Variants in PLSCR4 observed in about 807,000 individuals in gnomAD.
PLSCR4 encodes Ca(2+)-dependent phospholipid scramblase 4.
Under a neutral mutation model 36.3 loss-of-function variants are expected in PLSCR4, and 25 were observed. That is an observed-to-expected ratio of 0.69 (90% CI 0.50 to 0.96). PLSCR4 has a LOEUF of 0.96. Ranked by LOEUF, PLSCR4 falls within the 40% of genes least tolerant of loss-of-function variation. PLSCR4 has a pLI of 0.00. For missense variants in PLSCR4, 408 were observed against 414.7 expected (o/e 0.98, Z 0.14); for synonymous variants, 122 against 132.9 (o/e 0.92, Z 0.56).
At chr3:146,224,864 G>C (rs546573572) in intron 1 of PLSCR4, among the ~76,000 whole-genome samples, 2 of 130,760 alleles carry the variant, frequency 1.5e-5, no homozygotes, top group Non-Finnish European at 3.5e-5. Context: ...TAGATACAGA[G>C]TATGGACACA....
At chr3:146,237,132 A>G (rs1404813254) in intron 1 of PLSCR4, among the ~76,000 whole-genome samples, 1 of 151,860 alleles carries the variant, frequency 6.6e-6, no homozygotes, top group Non-Finnish European at 1.5e-5. Flanking sequence ...TCGAAAAAGG[A>G]AAGAGGTGTA....
chr3:146,232,862 T>C lies in PLSCR4; in HGVS notation c.-21-10770A>G, dbSNP rs554319130. On this transcript the variant is annotated intron_variant, in intron 1 of 8. Transcript: ENST00000354952. ...CATATAGTAGGTACCCAATAAACATTGCCTAAAGAGGTTTTTTACTGTGTG... is the reference window on the plus strand; with the variant it reads ...CATATAGTAGGTACCCAATAAACATCGCCTAAAGAGGTTTTTTACTGTGTG... Among the ~76,000 whole-genome samples, 7 of 152,242 alleles carry C rather than the reference T, an allele frequency of 4.6e-5. No individual in the cohort carries two copies. In the South Asian group the frequency reaches 1.5e-3, roughly 32 times the overall value.
chr3:146,213,917 T>C (rs1364497931), intron 3 of PLSCR4, among the ~76,000 whole-genome samples: 1 of 152,108 alleles, frequency 6.6e-6, no homozygotes, highest in Non-Finnish European at 1.5e-5. Context: ...TGTTTTATTT[T>C]TATTTTTATT....
chr3:146,242,730 T>A (rs1014251363), intron 1 of PLSCR4, among the ~76,000 whole-genome samples: 2 of 152,172 alleles, frequency 1.3e-5, no homozygotes, highest in African/African-American at 4.8e-5. Context: ...TCGAGACGAA[T>A]GGGAGAACCT....
In PLSCR4 at chr3:146,206,560, G is replaced by T. The variant is rs754225026; in HGVS notation, c.320C>A (p.Ala107Glu). The T allele has an allele frequency of 5.0e-6, 8 of 1,613,180 alleles. 1 individual carries two copies. The highest frequency in any genetic ancestry group is 3.3e-4 in the Middle Eastern group (2 of 6,070). ...GTATTCCAGACCAGGAGGGCAGTTT[G>T]CCATAGGAGTTGGCCCTGGCATCCA... ...ITWMPGPTPM[A>E]NCPPGLEYLV... The change falls in exon 4 of 9, where the codon GCA becomes GAA. Residue 107 changes from alanine (A) to glutamate (E), a missense_variant. By Grantham distance (107) the Ala-to-Glu change is moderately radical. Coordinates refer to ENST00000354952, the MANE Select transcript of PLSCR4 (RefSeq NM_020353.3).
At chr3:146,239,891 GAAAA>G (rs1212366774) in intron 1 of PLSCR4, among the ~76,000 whole-genome samples, 1 of 145,158 alleles carries the variant, frequency 6.9e-6, no homozygotes, top group Admixed American at 6.8e-5. Flanking sequence ...CTCAAAAAAA[GAAAA>G]AAAAAATACT....
In PLSCR4 at chr3:146,193,258, T is replaced by C. The variant is rs553595833; in HGVS notation, c.*1153A>G. The C allele has an allele frequency of 5.3e-5, 8 of 152,206 alleles. No individual in the cohort carries two copies. The highest frequency in any genetic ancestry group is 1.0e-4 in the Non-Finnish European group (7 of 68,032). 9.4% of individuals were successfully genotyped at this position (152,206 alleles called of 1,614,324 possible). The stretch of plus-strand genomic sequence containing the variant: ...AATGTTTACTGTGTTTTATTATTAT[T>C]ACTCTGTGTAGATACATATTTATCT... On this transcript the variant is annotated 3_prime_UTR_variant, in exon 9 of 9. Coordinates refer to ENST00000354952, the MANE Select transcript of PLSCR4 (RefSeq NM_020353.3).
At position 146,200,043 on chromosome 3, in the gene PLSCR4, AAAAAT is replaced by A; in HGVS notation, c.398-9_398-5del. The A allele has an allele frequency of 6.7e-7, 1 of 1,503,310 alleles. No individual in the cohort carries two copies. The highest frequency in any genetic ancestry group is 9.2e-7 in the Non-Finnish European group (1 of 1,081,534). The allele number at this position is 1,503,310 out of a possible 1,614,324, so 93.1% of individuals were successfully genotyped here. A position where few individuals can be genotyped will look rare whatever the true frequency, so the allele number is the denominator to read the frequency against. On this transcript the variant is annotated splice_region_variant and splice_polypyrimidine_tract_variant and intron_variant, in intron 5 of 8. Transcript: ENST00000354952. ...TTAGTTTCAAAACATGTCATCACTA[AAAAAT>A]AAAATGAGTAAGTCTATATTAGAAA...
intron 3 of PLSCR4, among the ~76,000 whole-genome samples, chr3:146,213,727 G>A (rs1028901301): frequency 2.5e-4 from 38 of 152,050 alleles, no homozygotes; most frequent in African/African-American, 8.9e-4. Context: ...TAAGGTTTCT[G>A]TTTCTTCTTG....
intron 1 of PLSCR4, among the ~76,000 whole-genome samples, chr3:146,224,666 A>C (rs994647493): frequency 1.3e-5 from 2 of 151,990 alleles, no homozygotes; most frequent in Non-Finnish European, 2.9e-5. Flanking sequence ...AAGCTTCCAC[A>C]GTGTGGAAGG....
chr3:146,249,197 T>C (rs1330134820), intron 1 of PLSCR4, among the ~76,000 whole-genome samples: 2 of 152,188 alleles, frequency 1.3e-5, no homozygotes, highest in Non-Finnish European at 2.9e-5. Context: ...GTTTTTGTAT[T>C]ATGCTTAGAA....
Position 146,199,974 on chromosome 3 carries a change from T to C in PLSCR4, c.463A>G (p.Ile155Val), listed in dbSNP as rs1061409. The C allele has an allele frequency of 0.32, 523,168 of 1,610,630 alleles. 87,965 individuals are homozygous for C. The highest frequency in any genetic ancestry group is 0.38 in the Admixed American group (22,881 of 59,824). Reference sequence around the variant, plus strand: ...AAGTCATCTGTGTCTTCGGTTACAATGTAAACCATCTGGTCTGAGTTGTTT... The same window carrying C: ...AAGTCATCTGTGTCTTCGGTTACAACGTAAACCATCTGGTCTGAGTTGTTT... ...IKNNSDQMVY[I>V]VTEDTDDFTR... Residue 155 changes from isoleucine (I) to valine (V), a missense_variant, in exon 6 of 9, where the codon ATT (isoleucine) becomes GTT (valine). By Grantham distance (29) the Ile-to-Val change is conservative. Coordinates refer to ENST00000354952, the MANE Select transcript of PLSCR4 (RefSeq NM_020353.3).
In PLSCR4 at chr3:146,228,195, T is replaced by TA. The variant is rs552452904; in HGVS notation, c.-21-6104dup. Among the ~76,000 whole-genome samples, 58 of 152,322 alleles carry TA rather than the reference T, an allele frequency of 3.8e-4. 5 individuals carry two copies. The South Asian group carries it at 8.9e-3, about 23-fold the overall frequency. ...AGCACTTAAAACAGTGCCTGCCATA[T>TA]AAAAAATCCTCAATAAACTTGCATT... On this transcript the variant is annotated intron_variant, in intron 1 of 8. Coordinates refer to ENST00000354952, the MANE Select transcript of PLSCR4 (RefSeq NM_020353.3).
intron 1 of PLSCR4, among the ~76,000 whole-genome samples, chr3:146,236,101 A>C (rs2107835425): frequency 6.6e-6 from 1 of 152,276 alleles, no homozygotes; most frequent in South Asian, 2.1e-4. Context: ...TAGAAAAAAA[A>C]ACCATTTTCA....
chr3:146,217,937 GT>G (rs2034966661), intron 3 of PLSCR4, among the ~76,000 whole-genome samples: 2 of 152,198 alleles, frequency 1.3e-5, no homozygotes, highest in Non-Finnish European at 2.9e-5. Context: ...TTAGAAGAGT[GT>G]GTAAAAGGAA....
At chr3:146,208,992 C>T (rs10935609) in intron 3 of PLSCR4, among the ~76,000 whole-genome samples, 51,397 of 151,882 alleles carry the variant, frequency 0.34, 9,149 homozygotes, top group South Asian at 0.45. Context: ...TGCTATAATA[C>T]GGAACTAGCC....
In PLSCR4 at chr3:146,217,717, G is replaced by A. The variant is rs527285747; in HGVS notation, c.118+3098C>T. ...GGATCCTACAGGCCTCCAGTGTATG[G>A]GAAGAATGGAGAAAGAAAATAGAGT... is the stretch of plus-strand genomic sequence containing the variant. On this transcript the variant is annotated intron_variant, in intron 3 of 8. Transcript: ENST00000354952. Among the ~76,000 whole-genome samples, 58 of 152,268 alleles carry A rather than the reference G, an allele frequency of 3.8e-4. 2 individuals carry two copies. In the South Asian group the frequency reaches 0.012, roughly 31 times the overall value.
chr3:146,245,809 T>C (rs1042472372), intron 1 of PLSCR4, among the ~76,000 whole-genome samples: 3 of 152,108 alleles, frequency 2.0e-5, no homozygotes, highest in Non-Finnish European at 4.4e-5. Flanking sequence ...ATGTACTCTC[T>C]TGTAGTGAAT....
chr3:146,222,941 C>T (rs1023401379), intron 1 of PLSCR4, among the ~76,000 whole-genome samples: 1 of 152,004 alleles, frequency 6.6e-6, no homozygotes. Flanking sequence ...CTCCAGGAGT[C>T]GCTGATGGAC....
Sources: gnomAD v4.1 joint callset for allele counts (sites outside exome capture counted in the v4.1 genomes callset) on GRCh38, gnomAD v4.1.1 for gene constraint, MANE v1.5 for transcripts, NCBI Gene and HGNC (gene_info 2026-07-23, HGNC 2026-07-21) for gene names.